The following GABRB1 variants were observed in gnomAD, a reference collection of about 807,000 sequenced individuals.
The protein encoded by GABRB1 is gamma-aminobutyric acid type A receptor subunit beta1, also known as gamma-aminobutyric acid receptor subunit beta-1.
Under a neutral mutation model 51.6 loss-of-function variants are expected in GABRB1, and 17 were observed. The ratio of observed to expected loss-of-function variants is 0.33; its 90% CI spans 0.23 to 0.49. The LOEUF (loss-of-function observed/expected upper bound fraction) is 0.49. Among genes scored for constraint, GABRB1 ranks in the 20% least tolerant of loss-of-function variants. The pLI, the probability that GABRB1 is intolerant of heterozygous loss-of-function variation, is 0.99. For synonymous variants in GABRB1, 247 were observed against 218.9 expected, an observed-to-expected ratio of 1.13 and a Z score of -1.14; for missense variants, 410 against 600.6, an observed-to-expected ratio of 0.68 and a Z score of 3.32.
intron 4 of GABRB1, among the ~76,000 whole-genome samples, chr4:47,244,814 A>G (rs1174325350): frequency 1.3e-5 from 2 of 152,202 alleles, no homozygotes; most frequent in Non-Finnish European, 1.5e-5. Context: ...AGGACACAAC[A>G]TACCAGAATC....
At chr4:47,259,957 G>A (rs1447767818) in intron 4 of GABRB1, among the ~76,000 whole-genome samples, 2 of 151,644 alleles carry the variant, frequency 1.3e-5, no homozygotes, top group Non-Finnish European at 2.9e-5. Flanking sequence ...TTATATGGGA[G>A]TCTAAGTCTC....
chr4:47,398,861 G>A (rs1167090064), intron 5 of GABRB1, among the ~76,000 whole-genome samples: 1 of 152,090 alleles, frequency 6.6e-6, no homozygotes, highest in Non-Finnish European at 1.5e-5. Context: ...CGCTATCTCG[G>A]CTCACTGCAA....
chr4:47,345,340 C>T (rs535168290), intron 5 of GABRB1, among the ~76,000 whole-genome samples: 1 of 152,244 alleles, frequency 6.6e-6, no homozygotes, highest in Admixed American at 6.5e-5. Flanking sequence ...GAGATAGGCA[C>T]TTGTCAAAGA....
intron 4 of GABRB1, among the ~76,000 whole-genome samples, chr4:47,287,809 A>C (rs1159873837): frequency 1.3e-5 from 2 of 152,216 alleles, no homozygotes; most frequent in Non-Finnish European, 2.9e-5. Flanking sequence ...CCCTATGGAC[A>C]TGCCTATATG....
intron 4 of GABRB1, among the ~76,000 whole-genome samples, chr4:47,259,842 T>C (rs770544735): frequency 2.2e-4 from 33 of 152,174 alleles, no homozygotes; most frequent in Non-Finnish European, 3.8e-4. Flanking sequence ...CCAAACCTCA[T>C]GAAGAAGCTA....
At chr4:47,368,234 G>A (rs190720133) in intron 5 of GABRB1, among the ~76,000 whole-genome samples, 1 of 152,240 alleles carries the variant, frequency 6.6e-6, no homozygotes, top group Non-Finnish European at 1.5e-5. Context: ...TCCTCAAATT[G>A]AAGGGTGTCA....
At chr4:47,252,966 A>C (rs2109866238) in intron 4 of GABRB1, among the ~76,000 whole-genome samples, 2 of 152,324 alleles carry the variant, frequency 1.3e-5, no homozygotes, top group South Asian at 4.1e-4. Flanking sequence ...TACCACATAC[A>C]AGACACTGTT....
intron 3 of GABRB1, among the ~76,000 whole-genome samples, chr4:47,126,141 A>G (rs866798951): frequency 5.3e-5 from 8 of 152,080 alleles, no homozygotes; most frequent in African/African-American, 1.4e-4. Flanking sequence ...TTGCAATAGC[A>G]TGGATGAACC....
chr4:47,087,922 T>G (rs1037082631), intron 3 of GABRB1, among the ~76,000 whole-genome samples: 11 of 152,218 alleles, frequency 7.2e-5, no homozygotes, highest in African/African-American at 2.4e-4. Flanking sequence ...TCATGTTGTT[T>G]TGCAACCTGG....
In GABRB1 at chr4:47,426,434, A is replaced by AC. The variant is rs1310447794; in HGVS notation, c.*416_*417insC. The AC allele has an allele frequency of 6.9e-6, 1 of 144,202 alleles. No homozygotes were observed. The highest frequency in any genetic ancestry group is 1.5e-5 in the Non-Finnish European group (1 of 68,258). The allele number at this position is 144,202 out of a possible 1,614,324, so 8.9% of individuals were successfully genotyped here. A position where few individuals can be genotyped will look rare whatever the true frequency, so the allele number is the denominator to read the frequency against. Reference sequence around the variant, plus strand: ...TATAACAAACTTATGCTGCCAAAAAAAAAAAAAAAAAAACATAAAAAAAAA... The same window carrying AC: ...TATAACAAACTTATGCTGCCAAAAAACAAAAAAAAAAAAACATAAAAAAAAA... On this transcript the variant is annotated 3_prime_UTR_variant, in exon 9 of 9. Transcript: ENST00000295454.
intron 4 of GABRB1, among the ~76,000 whole-genome samples, chr4:47,216,260 C>A (rs964628003): frequency 3.3e-5 from 5 of 151,652 alleles, no homozygotes; most frequent in Non-Finnish European, 7.4e-5. Context: ...TATATTTTTT[C>A]TATATTTGAT....
chr4:47,277,011 G>T (rs754893413), intron 4 of GABRB1, among the ~76,000 whole-genome samples: 4 of 151,870 alleles, frequency 2.6e-5, no homozygotes, highest in Admixed American at 6.6e-5. Context: ...GGATTCTAGG[G>T]GTCCTTGAAC....
At chr4:47,031,755 GCTCTCTCT>G (rs33980898) in intron 1 of GABRB1, 24 bp downstream of exon 1, 3 of 483,894 alleles carry the variant, frequency 6.2e-6, no homozygotes, top group Non-Finnish European at 3.0e-6. Context: ...GTTGAATCTC[GCTCTCTCT>G]CTCTCTCTCT....
intron 8 of GABRB1, among the ~76,000 whole-genome samples, chr4:47,420,877 AGCTG>A (rs1729070586): frequency 1.3e-5 from 2 of 152,176 alleles, no homozygotes; most frequent in African/African-American, 2.4e-5. Flanking sequence ...GACAGCAGAA[AGCTG>A]GAGGGTGAGG....
intron 4 of GABRB1, among the ~76,000 whole-genome samples, chr4:47,180,376 A>G (rs1310029864): frequency 6.6e-6 from 1 of 152,108 alleles, no homozygotes; most frequent in Admixed American, 6.6e-5. Context: ...ATATGCTTCA[A>G]TGAGAAAAAT....
intron 4 of GABRB1, among the ~76,000 whole-genome samples, chr4:47,181,053 A>T (rs1177911428): frequency 6.6e-6 from 1 of 151,992 alleles, no homozygotes; most frequent in Non-Finnish European, 1.5e-5. Flanking sequence ...TATTCAAATT[A>T]AAGACTCAGA....
upstream of GABRB1, among the ~76,000 whole-genome samples, chr4:47,027,159 A>G (rs1725126180): frequency 6.6e-6 from 1 of 151,644 alleles, no homozygotes; most frequent in African/African-American, 2.4e-5. Context: ...TTAGTAAGAT[A>G]GAGCGTACAT....
intron 6 of GABRB1, 46 bp downstream of exon 6, chr4:47,403,501 A>G: frequency 6.2e-7 from 1 of 1,613,414 alleles, no homozygotes; most frequent in Non-Finnish European, 8.5e-7. Context: ...TGTGAAAGGA[A>G]GAAGATGGTT....
At chr4:47,141,694 T>A (rs971967161) in intron 3 of GABRB1, among the ~76,000 whole-genome samples, 10 of 152,004 alleles carry the variant, frequency 6.6e-5, no homozygotes, top group Non-Finnish European at 1.3e-4. Context: ...TAATTACATT[T>A]AAGCTAGCAC....
Sources: allele counts gnomAD v4.1 joint callset (sites outside exome capture counted in the v4.1 genomes callset), GRCh38; gene constraint gnomAD v4.1.1; transcripts MANE v1.5; gene names NCBI Gene and HGNC (gene_info 2026-07-23, HGNC 2026-07-21).